The following ATG16L2 variants were observed in gnomAD, a reference collection of about 807,000 sequenced individuals.
ATG16L2 encodes autophagy related 16 like 2.
A neutral mutation model predicts 84.7 loss-of-function variants in ATG16L2; 77 were observed. The ratio of observed to expected loss-of-function variants is 0.91; its 90% CI spans 0.76 to 1.10. ATG16L2 has a LOEUF of 1.10. ATG16L2 is among the 50% of genes least tolerant of loss of function. The pLI is 0.00. For synonymous variants in ATG16L2, 361 were observed against 342.8 expected (o/e 1.05, Z -0.59); for missense variants, 782 against 817.6 (o/e 0.96, Z 0.53).
Position 72,821,661 on chromosome 11 carries a change from C to T in ATG16L2, c.319-7C>T. 6.5e-7 allele frequency: 1 copy of T among 1,534,186 alleles called. No individual in the cohort carries two copies. On this transcript the variant is annotated splice_region_variant and splice_polypyrimidine_tract_variant and intron_variant, in intron 3 of 17. Transcript: ENST00000321297. Reference sequence around the variant, plus strand: ...CAGCGCCGCCGTGCCCACCTGTCCGCCCCCAGATGGCCTACCAGGTGGTGG... The same window carrying T: ...CAGCGCCGCCGTGCCCACCTGTCCGTCCCCAGATGGCCTACCAGGTGGTGG...
chr11:72,836,860 C>T (rs1480685150), intron 5 of ATG16L2: 1 of 152,580 alleles, frequency 6.6e-6, no homozygotes, highest in East Asian at 1.9e-4. Flanking sequence ...GACCTGTGCA[C>T]TGTGGTGCTG....
chr11:72,817,075 C>T (rs771307762), intron 2 of ATG16L2, among the ~76,000 whole-genome samples: 4 of 152,300 alleles, frequency 2.6e-5, no homozygotes, highest in Non-Finnish European at 5.9e-5. Context: ...TGTCCCATCT[C>T]CTTCCCGTCC....
At chr11:72,838,528 G>A (rs1344432161) in intron 5 of ATG16L2, 2 of 522,110 alleles carry the variant, frequency 3.8e-6, no homozygotes, top group African/African-American at 1.9e-5. Context: ...TTAGGCATGA[G>A]GGCTGCCCCC....
intron 7 of ATG16L2, chr11:72,823,756 C>G (rs1001789228): frequency 1.2e-5 from 6 of 516,482 alleles, no homozygotes; most frequent in Non-Finnish European, 2.2e-5. Flanking sequence ...AGCGTCTCTC[C>G]TCCCTGTAGG....
chr11:72,819,952 A>G (rs562496673), intron 3 of ATG16L2, among the ~76,000 whole-genome samples: 5 of 152,112 alleles, frequency 3.3e-5, no homozygotes, highest in East Asian at 1.9e-4. Flanking sequence ...TCACCATGTT[A>G]GCTAGGATGG....
intron 5 of ATG16L2, among the ~76,000 whole-genome samples, chr11:72,834,708 G>A (rs1453017464): frequency 3.3e-5 from 5 of 151,658 alleles, no homozygotes; most frequent in African/African-American, 7.3e-5. Context: ...TCAGTCTCCC[G>A]AGTAGCTGGG....
chr11:72,829,899 T>G (rs1042181941), downstream of ATG16L2, among the ~76,000 whole-genome samples: 1 of 152,158 alleles, frequency 6.6e-6, no homozygotes, highest in Non-Finnish European at 1.5e-5. Flanking sequence ...CCCACCTGCT[T>G]CAGGCACTCA....
chr11:72,831,563 T>C (rs1445621054), downstream of ATG16L2, among the ~76,000 whole-genome samples: 1 of 152,194 alleles, frequency 6.6e-6, no homozygotes, highest in Non-Finnish European at 1.5e-5. Context: ...CTAAGAGCCT[T>C]GGGCTCCAAC....
At chr11:72,843,142 A>G (rs1861015977) in exon 6 of ATG16L2, 2 of 1,613,546 alleles carry the variant, frequency 1.2e-6, no homozygotes. Context: ...GCCTTGTTTC[A>G]GTCTTTACCA....
rs142632291 is a variant in ATG16L2, at chr11:72,826,693, C to T, written c.1246-10C>T. The T allele has an allele frequency of 5.6e-6, 9 of 1,613,962 alleles. No homozygotes were observed. The highest frequency in any genetic ancestry group is 1.6e-4 in the Middle Eastern group (1 of 6,084). ...CAAACTCTTGATCCGTACCTGGGGC[C>T]GGGGTACAGGAGACACTGTCTGGAC... is the stretch of plus-strand genomic sequence containing the variant. On this transcript the variant is annotated splice_polypyrimidine_tract_variant and intron_variant, in intron 12 of 17. Coordinates refer to ENST00000321297, the MANE Select transcript of ATG16L2 (RefSeq NM_033388.2).
chr11:72,825,333 G>T lies in ATG16L2; in HGVS notation c.1028G>T (p.Arg343Leu). 6.2e-7 allele frequency: 1 copy of T among 1,613,586 alleles called. No individual in the cohort carries two copies. Among genetic ancestry groups the T allele is most frequent in the South Asian group, 1.1e-5 (1 of 91,080 alleles). ...CACCTCTCTGAGGTCAATGCTGTTC[G>T]TTTTGGCCCCAACAGCAGCCTCCTG... ...DAHLSEVNAV[R>L]FGPNSSLLAT... is the part of the protein sequence containing the mutation. The change falls in exon 10 of 18, where the codon CGT (arginine) becomes CTT (leucine). Residue 343 changes from arginine to leucine, a missense_variant. Physicochemically the swap from Arg to Leu is moderately radical, Grantham distance 102. Transcript: ENST00000321297.
chr11:72,829,081 G>T lies in ATG16L2; in HGVS notation c.1772+97G>T, dbSNP rs371387332. 12 of 1,318,528 alleles carry T rather than the reference G, an allele frequency of 9.1e-6. No individual in the cohort carries two copies. In the East Asian group the frequency reaches 9.3e-5, roughly 10 times the overall value. The allele number at this position is 1,318,528 out of a possible 1,614,324, so 81.7% of individuals were successfully genotyped here. ...TGGGACCCTGGAGTCCCCAGCCCTT[G>T]TCCCTCCACCTTCCACCCGACCAGA... On this transcript the variant is annotated intron_variant, in intron 17 of 17. Coordinates refer to ENST00000321297, the MANE Select transcript of ATG16L2 (RefSeq NM_033388.2).
At position 72,821,708 on chromosome 11, in the gene ATG16L2, C is replaced by A; in HGVS notation, c.359C>A (p.Thr120Lys). 2 of 1,537,234 alleles carry A rather than the reference C, an allele frequency of 1.3e-6. No homozygotes were observed. The highest frequency in any genetic ancestry group is 8.7e-7 in the Non-Finnish European group (1 of 1,146,006). ...GTGGAGAAGGGCGCGGCCCTGGGCA[C>A]GCTGGAGTCGGAGCTGCAGCAGAGG... ...QVVEKGAALG[T>K]LESELQQRQS... Residue 120 changes from threonine (T) to lysine (K), a missense_variant, in exon 4 of 18, where the codon ACG (threonine) becomes AAG (lysine). By Grantham distance (78) the Thr-to-Lys change is moderately conservative. Coordinates refer to ENST00000321297, the MANE Select transcript of ATG16L2 (RefSeq NM_033388.2).
chr11:72,822,847 G>A lies in ATG16L2; in HGVS notation c.711-1G>A. On this transcript the variant is annotated splice_acceptor_variant, in intron 6 of 17. Coordinates refer to ENST00000321297, the MANE Select transcript of ATG16L2 (RefSeq NM_033388.2). LOFTEE classifies it high-confidence loss of function. This position sits in a 1 kb window ranked among gnomAD's most constrained non-coding sequence, Gnocchi z 4.2. The stretch of plus-strand genomic sequence containing the variant: ...TTTCTGAACTTCATTACCTCTCCTA[G>A]GGGCCCGGACACCCTAGGCGATGGG... The A allele has an allele frequency of 1.9e-6, 3 of 1,553,030 alleles. No individual in the cohort carries two copies. Among genetic ancestry groups the A allele is most frequent in the Non-Finnish European group, 2.6e-6 (3 of 1,148,204 alleles).
intron 5 of ATG16L2, chr11:72,837,905 T>C (rs1860782455): frequency 6.6e-6 from 1 of 152,198 alleles, no homozygotes; most frequent in Non-Finnish European, 1.5e-5. Flanking sequence ...ACAATGCAGG[T>C]ATGTGTCCTC....
At chr11:72,827,033 A>G in intron 13 of ATG16L2, 155 bp from the exon 14 acceptor site, 2 of 840,504 alleles carry the variant, frequency 2.4e-6, no homozygotes, top group East Asian at 5.3e-5. Context: ...TGGGTAGGAA[A>G]AAGACGTGGG....
intron 1 of ATG16L2, chr11:72,815,928 T>C (rs1332610860): frequency 6.6e-6 from 1 of 152,200 alleles, no homozygotes; most frequent in Non-Finnish European, 1.5e-5. Context: ...AAGGACTTTC[T>C]ATTCTGGCCT....
Position 72,825,333 on chromosome 11 carries a change from G to C in ATG16L2, c.1028G>C (p.Arg343Pro). ...CACCTCTCTGAGGTCAATGCTGTTC[G>C]TTTTGGCCCCAACAGCAGCCTCCTG... The part of the protein sequence containing the change: ...DAHLSEVNAV[R>P]FGPNSSLLAT... Residue 343 changes from arginine (R) to proline (P), a missense_variant, in exon 10 of 18, where the codon CGT becomes CCT. Coordinates refer to ENST00000321297, the MANE Select transcript of ATG16L2 (RefSeq NM_033388.2). 1 of 1,613,586 alleles carries C rather than the reference G, an allele frequency of 6.2e-7. No individual in the cohort carries two copies. Among genetic ancestry groups the C allele is most frequent in the Non-Finnish European group, 8.5e-7 (1 of 1,179,976 alleles).
In ATG16L2 at chr11:72,814,558, C is replaced by T; in HGVS notation, c.113C>T (p.Pro38Leu). ...AAGGCGCTTTTCCTGGAGCTGGTGC[C>T]GGCCTGTGAGTGCGCCCCGGTGCTG... ...TQKALFLELV[P>L]AYNHLLEKAE... is the part of the protein sequence containing the mutation. The change falls in exon 1 of 18, where the codon CCG becomes CTG. Residue 38 changes from proline to leucine, a missense_variant. By Grantham distance (98) the Pro-to-Leu change is moderately conservative. Coordinates refer to ENST00000321297, the MANE Select transcript of ATG16L2 (RefSeq NM_033388.2). 1.9e-6 allele frequency: 3 copies of T among 1,571,306 alleles called. No individual in the cohort carries two copies. Among genetic ancestry groups the T allele is most frequent in the Non-Finnish European group, 1.7e-6 (2 of 1,156,656 alleles).
Sources: gnomAD v4.1 joint callset for allele counts (sites outside exome capture counted in the v4.1 genomes callset) on GRCh38, gnomAD v4.1.1 for gene constraint, Gnocchi (gnomAD v3.1) non-coding constraint, MANE v1.5 for transcripts, NCBI Gene and HGNC (gene_info 2026-07-23, HGNC 2026-07-21) for gene names.